The following OPHN1 variants were observed in gnomAD, a reference collection of about 807,000 sequenced individuals.
OPHN1 encodes oligophrenin 1.
OPHN1 carries 11 observed loss-of-function variants against 60.7 expected under a neutral mutation model. The ratio of observed to expected loss-of-function variants is 0.18; its 90% CI spans 0.11 to 0.30. The LOEUF is 0.30. Ranked by LOEUF, OPHN1 falls within the 10% of genes least tolerant of loss-of-function variation. OPHN1 has a pLI of 1.00. For synonymous variants in OPHN1, 226 were observed against 222.6 expected (o/e 1.02, Z -0.14); for missense variants, 449 against 611.0 (o/e 0.73, Z 2.80).
chrX:68,078,140 A>C (rs2076960298), intron 19 of OPHN1, among the ~76,000 whole-genome samples: 1 of 111,274 alleles, frequency 9.0e-6, no homozygotes, highest in African/African-American at 3.3e-5. Context: ...AATGGGGCCA[A>C]TTCTATTTTC....
At chrX:68,399,768 G>A (rs1230760695) in intron 2 of OPHN1, among the ~76,000 whole-genome samples, 1 of 110,653 alleles carries the variant, frequency 9.0e-6, no homozygotes, top group Non-Finnish European at 1.9e-5. Flanking sequence ...CTGAGTGATT[G>A]GGCAACTACT....
chrX:68,068,861 T>G (rs1355886003), intron 20 of OPHN1, among the ~76,000 whole-genome samples: 1 of 112,000 alleles, frequency 8.9e-6, no homozygotes, highest in Non-Finnish European at 1.9e-5. Context: ...ATTATATTTC[T>G]ATGAAATGTT....
intron 18 of OPHN1, among the ~76,000 whole-genome samples, chrX:68,102,918 C>T (rs1238583355): frequency 2.7e-5 from 3 of 111,613 alleles, no homozygotes; most frequent in East Asian, 5.6e-4. Context: ...CAGGACCAGA[C>T]GGATTCACAG....
chrX:68,317,274 T>G (rs2078203818), intron 2 of OPHN1, among the ~76,000 whole-genome samples: 1 of 96,438 alleles, frequency 1.0e-5, no homozygotes, highest in Admixed American at 1.3e-4. Flanking sequence ...CTCTGCAGCC[T>G]GGGCAACAGA....
At chrX:68,153,842 C>A (rs919218738) in intron 15 of OPHN1, among the ~76,000 whole-genome samples, 1 of 111,610 alleles carries the variant, frequency 9.0e-6, no homozygotes, top group Non-Finnish European at 1.9e-5. Context: ...TGAGACAGGT[C>A]TTGGGGATTT....
intron 6 of OPHN1, among the ~76,000 whole-genome samples, chrX:68,217,201 G>C (rs977958284): frequency 8.9e-6 from 1 of 112,024 alleles, no homozygotes; most frequent in Admixed American, 9.4e-5. Context: ...ACTCCCACCC[G>C]AATACTGCGC....
At chrX:68,083,930 G>C (rs1413761532) in intron 19 of OPHN1, among the ~76,000 whole-genome samples, 4 of 110,933 alleles carry the variant, frequency 3.6e-5, no homozygotes, top group Non-Finnish European at 5.7e-5. Flanking sequence ...GTAGTTCATG[G>C]AGCCGCAAAA....
intron 18 of OPHN1, among the ~76,000 whole-genome samples, chrX:68,100,277 GCACACACACATA>G (rs2077052863): frequency 9.2e-6 from 1 of 108,932 alleles, no homozygotes. Flanking sequence ...GCACACACAC[GCACACACACATA>G]CACACACACA....
At position 68,370,011 on chromosome X, in the gene OPHN1, A is replaced by AATATATATATATATATATATATAT. The variant is rs761607454; in HGVS notation, c.154+62832_154+62855dup. Among the ~76,000 whole-genome samples the AATATATATATATATATATATATAT allele has an allele frequency of 1.9e-3, 123 of 64,328 alleles. 3 individuals are homozygous for AATATATATATATATATATATATAT. The highest frequency in any genetic ancestry group is 5.2e-3 in the African/African-American group (67 of 12,820). 55.9% of individuals were successfully genotyped at this position (64,328 alleles called of 115,157 possible). A position where few individuals can be genotyped will look rare whatever the true frequency, so the allele number is the denominator to read the frequency against. On this transcript the variant is annotated intron_variant, in intron 2 of 24. Transcript: ENST00000355520. ...ACAGTGGGATGGCATAAATTGCTGA[A>AATATATATATATATATATATATAT]ATATATATATATATATATATATATA...
intron 6 of OPHN1, among the ~76,000 whole-genome samples, chrX:68,222,286 C>T (rs1277050445): frequency 9.2e-6 from 1 of 108,121 alleles, no homozygotes; most frequent in East Asian, 3.0e-4. Context: ...ACAACAGGTG[C>T]TGGAGGGGAT....
At chrX:68,152,342 G>T (rs757405354) in intron 15 of OPHN1, among the ~76,000 whole-genome samples, 2 of 110,793 alleles carry the variant, frequency 1.8e-5, no homozygotes, top group African/African-American at 3.3e-5. Flanking sequence ...TTAACCTCCT[G>T]TTACAATGAA....
At chrX:68,235,235 C>A in intron 5 of OPHN1, among the ~76,000 whole-genome samples, 1 of 112,167 alleles carries the variant, frequency 8.9e-6, no homozygotes, top group East Asian at 2.8e-4. Flanking sequence ...TAATTAAGTT[C>A]TCTGCTACTC....
chrX:68,403,127 A>G (rs1378213541), intron 2 of OPHN1, among the ~76,000 whole-genome samples: 3 of 112,372 alleles, frequency 2.7e-5, no homozygotes, highest in African/African-American at 9.7e-5. Context: ...ATTAAGATAC[A>G]GTCCTAGCCG....
chrX:68,432,721 C>T (rs2078891730), intron 2 of OPHN1, 146 bp downstream of exon 2: 1 of 606,739 alleles, frequency 1.6e-6, no homozygotes, highest in Non-Finnish European at 2.7e-6. Flanking sequence ...TCTACTATCT[C>T]CACTCCCCAA....
intron 3 of OPHN1, among the ~76,000 whole-genome samples, chrX:68,286,659 C>A (rs1044020505): frequency 2.7e-5 from 3 of 111,700 alleles, no homozygotes; most frequent in Non-Finnish European, 5.6e-5. Flanking sequence ...TTATTTGCTA[C>A]TTTATTCTTT....
chrX:68,066,517 G>A (rs1036508058), intron 20 of OPHN1, among the ~76,000 whole-genome samples: 2 of 111,136 alleles, frequency 1.8e-5, no homozygotes, highest in Non-Finnish European at 1.9e-5. Flanking sequence ...CTTTCAGCAG[G>A]GAAACTATTT....
At chrX:68,161,730 T>C (rs2077335150) in intron 15 of OPHN1, among the ~76,000 whole-genome samples, 1 of 111,174 alleles carries the variant, frequency 9.0e-6, no homozygotes, top group Non-Finnish European at 1.9e-5. Flanking sequence ...TTTATATACC[T>C]ACCTAGAGAC....
At chrX:68,107,838 T>A (rs1194928368) in intron 18 of OPHN1, among the ~76,000 whole-genome samples, 1 of 112,137 alleles carries the variant, frequency 8.9e-6, no homozygotes, top group Non-Finnish European at 1.9e-5. Flanking sequence ...CCAGATAGGT[T>A]CATTGTAAAG....
intron 19 of OPHN1, among the ~76,000 whole-genome samples, chrX:68,096,254 T>C (rs2077037872): frequency 9.0e-6 from 1 of 111,671 alleles, no homozygotes; most frequent in Non-Finnish European, 1.9e-5. Flanking sequence ...AAACAAGCCT[T>C]GCTAAGATCC....
Sources: allele counts gnomAD v4.1 joint callset (sites outside exome capture counted in the v4.1 genomes callset), GRCh38; gene constraint gnomAD v4.1.1; transcripts MANE v1.5; gene names NCBI Gene and HGNC (gene_info 2026-07-23, HGNC 2026-07-21).